The following ATP6V0A1 variants were observed in gnomAD, a reference collection of about 807,000 sequenced individuals.
ATP6V0A1 encodes the protein V-type proton ATPase 116 kDa subunit a 1.
ATP6V0A1 carries 43 observed loss-of-function variants against 105.4 expected under a neutral mutation model. That is an observed-to-expected ratio of 0.41 (90% CI 0.32 to 0.53). The LOEUF is 0.53. Among genes scored for constraint, ATP6V0A1 ranks in the 20% least tolerant of loss-of-function variants. The probability of loss-of-function intolerance (pLI) is 0.30; values close to 1 mark genes in which losing one functional copy is unlikely to be tolerated. For synonymous variants in ATP6V0A1, 362 were observed against 372.8 expected (o/e 0.97, Z 0.33); for missense variants, 676 against 1,051.1 (o/e 0.64, Z 4.93).
chr17:42,466,991 C>T (rs1015290675), intron 3 of ATP6V0A1, among the ~76,000 whole-genome samples: 1 of 151,842 alleles, frequency 6.6e-6, no homozygotes, highest in Non-Finnish European at 1.5e-5. Context: ...ACTAAAAATA[C>T]AAAAAATTAG....
At chr17:42,482,377 A>AC (rs2089621075) in intron 8 of ATP6V0A1, among the ~76,000 whole-genome samples, 1 of 150,588 alleles carries the variant, frequency 6.6e-6, no homozygotes, top group African/African-American at 2.4e-5. Context: ...AAACTCCTAG[A>AC]CTCAAGCAAT....
intron 12 of ATP6V0A1, chr17:42,494,732 A>G (rs2090994851): frequency 8.4e-6 from 4 of 476,064 alleles, no homozygotes; most frequent in African/African-American, 1.9e-5. Context: ...ACATAGTGAG[A>G]CCCCATCTCT....
At position 42,499,061 on chromosome 17, in the gene ATP6V0A1, G is replaced by A; in HGVS notation, c.1679+19G>A. 1 of 1,526,190 alleles carries A rather than the reference G, an allele frequency of 6.6e-7. No homozygotes were observed. The highest frequency in any genetic ancestry group is 9.1e-7 in the Non-Finnish European group (1 of 1,103,456). 94.5% of individuals were successfully genotyped at this position (1,526,190 alleles called of 1,614,324 possible). ...ACCATATGTGAGTTGTTCCATTTCT[G>A]TCATAAGAATGTGCATAGTTTAGAG... On this transcript the variant is annotated intron_variant, in intron 15 of 21. Coordinates refer to ENST00000343619, the MANE Select transcript of ATP6V0A1 (RefSeq NM_001130021.3).
chr17:42,475,977 G>A (rs1461416686), intron 5 of ATP6V0A1, among the ~76,000 whole-genome samples: 2 of 152,158 alleles, frequency 1.3e-5, no homozygotes, highest in Admixed American at 6.5e-5. Context: ...CTTAAACCAC[G>A]TCTTGTGAGA....
chr17:42,506,701 TTTTTTCC>T (rs1159182300), intron 17 of ATP6V0A1, among the ~76,000 whole-genome samples: 1 of 152,242 alleles, frequency 6.6e-6, no homozygotes, highest in African/African-American at 2.4e-5. Context: ...CTGCCTGGTT[TTTTTTCC>T]CAAAGAGTCT....
intron 15 of ATP6V0A1, 102 bp downstream of exon 15, chr17:42,499,144 C>T (rs1174472005): frequency 5.6e-5 from 49 of 870,236 alleles, no homozygotes; most frequent in Non-Finnish European, 7.9e-5. Context: ...AACTCAGAAC[C>T]TCATTCTACA....
At chr17:42,501,128 A>T in intron 16 of ATP6V0A1, 69 bp from the exon 17 acceptor site, 1 of 1,336,730 alleles carries the variant, frequency 7.5e-7, no homozygotes, top group Non-Finnish European at 1.1e-6. Context: ...TTTGTGCCAT[A>T]TTTGGAAACT....
intron 5 of ATP6V0A1, 94 bp from the exon 6 acceptor site, chr17:42,477,566 C>T: frequency 7.8e-7 from 1 of 1,285,410 alleles, no homozygotes; most frequent in Admixed American, 2.0e-5. Flanking sequence ...TTTTCTGAAC[C>T]TGTCTCCTGG....
At chr17:42,514,783 G>T (rs2092533649) in intron 21 of ATP6V0A1, among the ~76,000 whole-genome samples, 1 of 152,140 alleles carries the variant, frequency 6.6e-6, no homozygotes, top group Non-Finnish European at 1.5e-5. Context: ...AGGGTTTCTG[G>T]TTTTCTCTCT....
intron 11 of ATP6V0A1, 52 bp downstream of exon 11, chr17:42,490,689 G>A (rs1440622428): frequency 1.3e-6 from 2 of 1,540,380 alleles, no homozygotes; most frequent in African/African-American, 1.4e-5. Context: ...TGTTTGTTTG[G>A]TTGGTTTGGT....
At chr17:42,483,596 T>G (rs1290140503) in intron 9 of ATP6V0A1, among the ~76,000 whole-genome samples, 1 of 152,048 alleles carries the variant, frequency 6.6e-6, no homozygotes, top group African/African-American at 2.4e-5. Context: ...TTATTTATTT[T>G]TTTGAGATGG....
At chr17:42,473,906 A>C (rs2088341410) in intron 5 of ATP6V0A1, among the ~76,000 whole-genome samples, 1 of 152,176 alleles carries the variant, frequency 6.6e-6, no homozygotes, top group Non-Finnish European at 1.5e-5. Context: ...TTATTTTGTG[A>C]ATAATAAGTC....
chr17:42,504,925 A>C (rs2091921589), intron 17 of ATP6V0A1, among the ~76,000 whole-genome samples: 1 of 152,214 alleles, frequency 6.6e-6, no homozygotes, highest in Non-Finnish European at 1.5e-5. Flanking sequence ...ATGCATCTAG[A>C]AAAAGACACA....
chr17:42,472,414 G>GT (rs1330370817), intron 5 of ATP6V0A1, among the ~76,000 whole-genome samples: 5 of 151,624 alleles, frequency 3.3e-5, no homozygotes, highest in Admixed American at 1.3e-4. Flanking sequence ...TATATATATA[G>GT]TTTTTATTTT....
intron 19 of ATP6V0A1, among the ~76,000 whole-genome samples, chr17:42,508,816 C>G (rs183642088): frequency 6.6e-6 from 1 of 152,210 alleles, no homozygotes; most frequent in African/African-American, 2.4e-5. Context: ...ATTGACTTTG[C>G]TGATTTAACA....
At chr17:42,466,392 A>G in intron 2 of ATP6V0A1, 37 bp from the exon 3 acceptor site, 3 of 1,523,952 alleles carry the variant, frequency 2.0e-6, no homozygotes, top group Non-Finnish European at 2.7e-6. Flanking sequence ...AATAGATACA[A>G]TATTTCAATG....
intron 19 of ATP6V0A1, 56 bp downstream of exon 19, chr17:42,508,645 CT>C: frequency 6.2e-7 from 1 of 1,609,076 alleles, no homozygotes; most frequent in South Asian, 1.1e-5. Flanking sequence ...TCTTCCCATC[CT>C]TGTGATCACT....
At chr17:42,487,078 G>T (rs1276919479) in intron 9 of ATP6V0A1, 77 bp from the exon 10 acceptor site, 8 of 1,365,028 alleles carry the variant, frequency 5.9e-6, no homozygotes, top group Admixed American at 1.7e-5. Context: ...AGAAAGCTAT[G>T]CCTCTTTGCC....
At chr17:42,518,040 T>C (rs1308884591) in intron 21 of ATP6V0A1, 2 of 152,240 alleles carry the variant, frequency 1.3e-5, no homozygotes, top group Admixed American at 1.3e-4. Flanking sequence ...TCTCTTTTCC[T>C]CCCTCCTGCC....
Sources: gnomAD v4.1 joint callset for allele counts (sites outside exome capture counted in the v4.1 genomes callset) on GRCh38, gnomAD v4.1.1 for gene constraint, MANE v1.5 for transcripts, NCBI Gene and HGNC (gene_info 2026-07-23, HGNC 2026-07-21) for gene names.